UBE4B: variants seen among roughly 807,000 people sequenced by gnomAD.
The protein encoded by UBE4B is ubiquitination factor E4B, also known as ubiquitin conjugation factor E4 B.
UBE4B carries 27 observed loss-of-function variants against 148.1 expected under a neutral mutation model. That is an observed-to-expected ratio of 0.18 (90% CI 0.13 to 0.25). UBE4B has a LOEUF of 0.25. UBE4B is among the 10% of genes least tolerant of loss of function. The pLI is 1.00. For synonymous variants in UBE4B, 596 were observed against 619.3 expected (o/e 0.96, Z 0.56); for missense variants, 1,170 against 1,662.4 (o/e 0.70, Z 5.15).
intron 17 of UBE4B, 63 bp from the exon 18 acceptor site, chr1:10,144,877 A>G: frequency 1.6e-6 from 2 of 1,245,436 alleles, no homozygotes; most frequent in Non-Finnish European, 2.3e-6. Context: ...GAAATGAGCA[A>G]GATGAATGGG....
chr1:10,142,634 G>T (rs1047680232), intron 17 of UBE4B, among the ~76,000 whole-genome samples: 1 of 152,072 alleles, frequency 6.6e-6, no homozygotes, highest in Non-Finnish European at 1.5e-5. Context: ...TTGCGCCACT[G>T]CACTCCAGCC....
At chr1:10,086,132 A>C (rs532591635) in intron 2 of UBE4B, among the ~76,000 whole-genome samples, 35 of 151,878 alleles carry the variant, frequency 2.3e-4, no homozygotes, top group African/African-American at 5.8e-4. Flanking sequence ...CCACCACGCC[A>C]GGCTAATTTT....
chr1:10,075,367 A>T (rs1238148198), intron 2 of UBE4B, among the ~76,000 whole-genome samples: 2 of 152,202 alleles, frequency 1.3e-5, no homozygotes, highest in East Asian at 3.9e-4. Context: ...GCTATTACCC[A>T]GGTCCAAGGC....
At chr1:10,159,028 G>GA (rs1184297919) in intron 22 of UBE4B, among the ~76,000 whole-genome samples, 1 of 150,752 alleles carries the variant, frequency 6.6e-6, no homozygotes, top group Non-Finnish European at 1.5e-5. Context: ...AAAAAAAAAG[G>GA]AAAAGAAAAG....
chr1:10,167,447 T>A (rs558011631), intron 23 of UBE4B, among the ~76,000 whole-genome samples: 2,301 of 134,442 alleles, frequency 0.017, 24 homozygotes, highest in Non-Finnish European at 0.025. Context: ...CAAAAAATAA[T>A]AATAATAATA....
At chr1:10,129,570 A>G (rs1570944024) in intron 12 of UBE4B, 122 bp downstream of exon 12, 1 of 915,386 alleles carries the variant, frequency 1.1e-6, no homozygotes, top group African/African-American at 1.6e-5. Flanking sequence ...AGGCGGAGGT[A>G]ACGTGTCTGG....
chr1:10,114,683 G>T (rs1018678549), intron 7 of UBE4B, among the ~76,000 whole-genome samples: 12 of 152,208 alleles, frequency 7.9e-5, no homozygotes, highest in Middle Eastern at 3.4e-3. Flanking sequence ...GGCCAACATG[G>T]TAAAACACTG....
intron 20 of UBE4B, among the ~76,000 whole-genome samples, chr1:10,150,451 T>G (rs1217165029): frequency 6.6e-6 from 1 of 152,218 alleles, no homozygotes; most frequent in Admixed American, 6.5e-5. Context: ...TATGTTTTGG[T>G]AGTGATGATC....
At chr1:10,146,822 T>G (rs1645880691) in intron 18 of UBE4B, 141 bp from the exon 19 acceptor site, 17 of 1,026,128 alleles carry the variant, frequency 1.7e-5, no homozygotes, top group Middle Eastern at 5.9e-4. Flanking sequence ...ACAACCAGCA[T>G]CTTATAGCTA....
At chr1:10,048,733 C>G (rs1438123029) in intron 1 of UBE4B, among the ~76,000 whole-genome samples, 1 of 152,162 alleles carries the variant, frequency 6.6e-6, no homozygotes, top group Non-Finnish European at 1.5e-5. Context: ...CTTGACAAGA[C>G]TGATTTCATT....
intron 2 of UBE4B, among the ~76,000 whole-genome samples, chr1:10,090,013 T>G (rs1226937498): frequency 6.6e-6 from 1 of 151,904 alleles, no homozygotes; most frequent in Non-Finnish European, 1.5e-5. Flanking sequence ...AATTTTTGAG[T>G]GTATAAAATA....
At chr1:10,081,021 C>T (rs918113343) in intron 2 of UBE4B, among the ~76,000 whole-genome samples, 3 of 152,050 alleles carry the variant, frequency 2.0e-5, no homozygotes, top group East Asian at 1.9e-4. Context: ...TAAATAATAA[C>T]GTTTTATATA....
At chr1:10,084,218 T>C (rs945295744) in intron 2 of UBE4B, among the ~76,000 whole-genome samples, 1 of 152,260 alleles carries the variant, frequency 6.6e-6, no homozygotes, top group Admixed American at 6.5e-5. Flanking sequence ...ATACTGTGTG[T>C]GAGAGTGATT....
intron 1 of UBE4B, among the ~76,000 whole-genome samples, chr1:10,064,730 G>A (rs1249034985): frequency 6.6e-6 from 1 of 151,768 alleles, no homozygotes; most frequent in Non-Finnish European, 1.5e-5. Flanking sequence ...AGCCATGCTG[G>A]TGGGTCTAAC....
chr1:10,035,723 T>C (rs1643495971), intron 1 of UBE4B, among the ~76,000 whole-genome samples: 1 of 141,938 alleles, frequency 7.0e-6, no homozygotes, highest in African/African-American at 2.6e-5. Flanking sequence ...GTTTTTTTAT[T>C]TTTTTTTATT....
chr1:10,078,909 T>C (rs983123259), intron 2 of UBE4B, among the ~76,000 whole-genome samples: 4 of 152,178 alleles, frequency 2.6e-5, no homozygotes, highest in African/African-American at 4.8e-5. Context: ...CACAAACTCC[T>C]GAGCTTAAGT....
intron 1 of UBE4B, among the ~76,000 whole-genome samples, chr1:10,042,274 G>A (rs937532074): frequency 3.9e-5 from 6 of 152,154 alleles, no homozygotes; most frequent in African/African-American, 9.7e-5. Context: ...ATTCAACAGC[G>A]CTTACAGTTG....
chr1:10,054,895 C>T (rs1644132658), intron 1 of UBE4B: 1 of 152,412 alleles, frequency 6.6e-6, no homozygotes, highest in Non-Finnish European at 1.4e-5. Flanking sequence ...AAGCGATTCT[C>T]CTGCCTCAGC....
chr1:10,179,864 G>A, intron 27 of UBE4B, 31 bp from the exon 28 acceptor site: 1 of 1,611,744 alleles, frequency 6.2e-7, no homozygotes, highest in Non-Finnish European at 8.5e-7. Flanking sequence ...TCCCATCTGG[G>A]GCATTAATCC....
Sources: gnomAD v4.1 joint callset for allele counts (sites outside exome capture counted in the v4.1 genomes callset) on GRCh38, gnomAD v4.1.1 for gene constraint, MANE v1.5 for transcripts, NCBI Gene and HGNC (gene_info 2026-07-23, HGNC 2026-07-21) for gene names.